Variants in PTPRT observed in about 807,000 individuals in gnomAD.
PTPRT encodes protein tyrosine phosphatase receptor type T.
PTPRT carries 56 observed loss-of-function variants against 176.8 expected under a neutral mutation model. The ratio of observed to expected loss-of-function variants is 0.32; its 90% CI spans 0.26 to 0.40. The LOEUF is 0.40. Ranked by LOEUF, PTPRT falls within the 10% of genes least tolerant of loss-of-function variation. The probability of loss-of-function intolerance (pLI) is 1.00; values close to 1 mark genes in which losing one functional copy is unlikely to be tolerated. For missense variants in PTPRT, 1,540 were observed against 1,908.2 expected (o/e 0.81, Z 3.60); for synonymous variants, 783 against 739.0 (o/e 1.06, Z -0.96).
intron 17 of PTPRT, among the ~76,000 whole-genome samples, chr20:42,149,663 A>T (rs941084177): frequency 1.3e-5 from 2 of 152,096 alleles, no homozygotes; most frequent in African/African-American, 4.8e-5. Flanking sequence ...ACCTCAGGTA[A>T]TCTGCCTGCC....
chr20:42,194,983 A>C (rs966378365), intron 16 of PTPRT, among the ~76,000 whole-genome samples: 2 of 152,142 alleles, frequency 1.3e-5, no homozygotes, highest in African/African-American at 2.4e-5. Flanking sequence ...AGGAAGGGAA[A>C]CATCACACAC....
intron 6 of PTPRT, among the ~76,000 whole-genome samples, chr20:42,705,277 C>A (rs1329246344): frequency 6.6e-6 from 1 of 152,028 alleles, no homozygotes; most frequent in East Asian, 1.9e-4. Context: ...GAGTGAGCAA[C>A]AAGGCTGTTT....
chr20:42,414,181 T>C (rs1411060977), intron 9 of PTPRT, among the ~76,000 whole-genome samples: 2 of 152,206 alleles, frequency 1.3e-5, no homozygotes, highest in African/African-American at 2.4e-5. Flanking sequence ...CAACCAATAC[T>C]TGATGGATGA....
intron 18 of PTPRT, among the ~76,000 whole-genome samples, chr20:42,135,680 G>A (rs985327523): frequency 2.6e-5 from 4 of 152,184 alleles, no homozygotes; most frequent in African/African-American, 9.7e-5. Context: ...TTAGCTGTGT[G>A]AAAAGTGTAA....
intron 6 of PTPRT, among the ~76,000 whole-genome samples, chr20:42,713,693 T>C (rs1023692211): frequency 5.9e-5 from 9 of 152,288 alleles, no homozygotes; most frequent in African/African-American, 1.9e-4. Flanking sequence ...GGAGGTGGGA[T>C]GTAGTGGGAG....
chr20:43,074,386 T>C (rs1040327916), intron 1 of PTPRT, among the ~76,000 whole-genome samples: 1 of 152,236 alleles, frequency 6.6e-6, no homozygotes, highest in Non-Finnish European at 1.5e-5. Flanking sequence ...GCATTCCATT[T>C]CATTAAAATG....
At chr20:43,094,195 CT>C (rs2012014653) in intron 1 of PTPRT, among the ~76,000 whole-genome samples, 1 of 150,100 alleles carries the variant, frequency 6.7e-6, no homozygotes, top group Non-Finnish European at 1.5e-5. Flanking sequence ...TCACGCCATT[CT>C]CCTGCCTCAG....
intron 2 of PTPRT, among the ~76,000 whole-genome samples, chr20:42,839,965 A>G (rs2078248676): frequency 6.6e-6 from 1 of 152,128 alleles, no homozygotes; most frequent in African/African-American, 2.4e-5. Flanking sequence ...ACCCTGGCCT[A>G]ATGTTGTTTA....
At chr20:42,163,317 G>A (rs1568633742) in intron 16 of PTPRT, among the ~76,000 whole-genome samples, 2 of 152,184 alleles carry the variant, frequency 1.3e-5, no homozygotes. Flanking sequence ...CCCCTGGACT[G>A]CTTACAGAAA....
intron 6 of PTPRT, among the ~76,000 whole-genome samples, chr20:42,743,368 T>C (rs1249969099): frequency 6.6e-6 from 1 of 152,144 alleles, no homozygotes. Flanking sequence ...AAGGATCATA[T>C]GGGTTAGGGG....
intron 1 of PTPRT, among the ~76,000 whole-genome samples, chr20:43,177,363 T>C (rs1376314074): frequency 2.6e-5 from 4 of 152,152 alleles, no homozygotes; most frequent in African/African-American, 9.7e-5. Context: ...GCCAAAGCAG[T>C]GGTTAGAACT....
chr20:42,438,461 C>T (rs138931890), intron 9 of PTPRT, among the ~76,000 whole-genome samples: 1 of 152,250 alleles, frequency 6.6e-6, no homozygotes, highest in African/African-American at 2.4e-5. Flanking sequence ...AGCCCTGTGT[C>T]TCTGATATCT....
intron 23 of PTPRT, 148 bp downstream of exon 23, chr20:42,110,185 T>G: frequency 1.5e-6 from 1 of 669,660 alleles, no homozygotes; most frequent in Non-Finnish European, 2.2e-6. Context: ...TAGCTGGGAT[T>G]ACAGATGTAT....
chr20:42,178,608 T>A (rs557048494), intron 16 of PTPRT, among the ~76,000 whole-genome samples: 34 of 152,226 alleles, frequency 2.2e-4, no homozygotes, highest in Non-Finnish European at 4.1e-4. Context: ...ACATATACGA[T>A]CTCAGTTTCT....
At chr20:42,268,044 A>G (rs1349982577) in intron 13 of PTPRT, among the ~76,000 whole-genome samples, 1 of 152,210 alleles carries the variant, frequency 6.6e-6, no homozygotes, top group Non-Finnish European at 1.5e-5. Context: ...TCCCTGCTAC[A>G]TAATGTGGTC....
chr20:43,099,840 C>T (rs1295869725), intron 1 of PTPRT, among the ~76,000 whole-genome samples: 4 of 152,166 alleles, frequency 2.6e-5, no homozygotes, highest in East Asian at 1.9e-4. Flanking sequence ...GATTCTTCCT[C>T]GCATGGTCAT....
intron 15 of PTPRT, among the ~76,000 whole-genome samples, chr20:42,214,929 A>T (rs1473181269): frequency 1.3e-5 from 2 of 152,170 alleles, no homozygotes; most frequent in Admixed American, 6.5e-5. Flanking sequence ...CAATTGCTAA[A>T]CCTCCCTATA....
intron 2 of PTPRT, among the ~76,000 whole-genome samples, chr20:42,844,236 C>G (rs550548150): frequency 6.6e-6 from 1 of 152,220 alleles, no homozygotes; most frequent in Non-Finnish European, 1.5e-5. Context: ...AGGAAAGCAC[C>G]AGTAATTAGA....
intron 13 of PTPRT, among the ~76,000 whole-genome samples, chr20:42,264,170 G>A (rs191120553): frequency 3.5e-4 from 53 of 152,272 alleles, no homozygotes; most frequent in Non-Finnish European, 6.6e-4. Flanking sequence ...GAGAGAAAAA[G>A]GTGCAGTGAG....
Sources: gnomAD v4.1 joint callset for allele counts (sites outside exome capture counted in the v4.1 genomes callset) on GRCh38, gnomAD v4.1.1 for gene constraint, MANE v1.5 for transcripts, NCBI Gene and HGNC (gene_info 2026-07-23, HGNC 2026-07-21) for gene names.